Variants in CALCRL observed in about 807,000 individuals in gnomAD.
CALCRL encodes calcitonin receptor like receptor, also known as calcitonin gene-related peptide type 1 receptor.
A neutral mutation model predicts 60.4 loss-of-function variants in CALCRL; 27 were observed. The ratio of observed to expected loss-of-function variants is 0.45; its 90% CI spans 0.33 to 0.62. The LOEUF (loss-of-function observed/expected upper bound fraction) is 0.62. CALCRL is among the 20% of genes least tolerant of loss of function. CALCRL has a pLI of 0.03. For missense variants in CALCRL, 424 were observed against 540.7 expected, an observed-to-expected ratio of 0.78 and a Z score of 2.14; for synonymous variants, 190 against 182.6, an observed-to-expected ratio of 1.04 and a Z score of -0.33.
chr2:187,388,687 T>C (rs1688304861), intron 1 of CALCRL, among the ~76,000 whole-genome samples: 1 of 152,168 alleles, frequency 6.6e-6, no homozygotes, highest in Non-Finnish European at 1.5e-5. Context: ...CTTTATAGAT[T>C]CTATATACAA....
intron 1 of CALCRL, among the ~76,000 whole-genome samples, chr2:187,417,452 A>C (rs1249807510): frequency 6.6e-6 from 1 of 152,114 alleles, no homozygotes; most frequent in Admixed American, 6.5e-5. Flanking sequence ...ATCCAAATCA[A>C]ATATAGATTT....
intron 7 of CALCRL, 117 bp downstream of exon 7, chr2:187,380,350 G>T: frequency 1.7e-6 from 1 of 583,592 alleles, no homozygotes; most frequent in Middle Eastern, 4.7e-4. Flanking sequence ...ATTATATTAT[G>T]AAAAGGCTTT....
chr2:187,383,110 A>C (rs1688047352), intron 5 of CALCRL, 63 bp downstream of exon 5: 1 of 1,511,596 alleles, frequency 6.6e-7, no homozygotes. Context: ...ATAATGATAT[A>C]ATGGGAGTAG....
At chr2:187,358,695 G>A (rs1686912250) in intron 12 of CALCRL, among the ~76,000 whole-genome samples, 1 of 152,016 alleles carries the variant, frequency 6.6e-6, no homozygotes, top group South Asian at 2.1e-4. Context: ...TGTTTCTGCT[G>A]CTTCTATTCT....
chr2:187,369,001 G>A (rs1225244317), intron 8 of CALCRL, among the ~76,000 whole-genome samples: 2 of 152,112 alleles, frequency 1.3e-5, no homozygotes, highest in African/African-American at 4.8e-5. Flanking sequence ...TCTTTTGGAG[G>A]CTGCTGGTGA....
At position 187,444,341 on chromosome 2, in the gene CALCRL, T is replaced by A. The variant is rs541821159; in HGVS notation, c.-293+3698A>T. On this transcript the variant is annotated intron_variant, in intron 1 of 14. Transcript: ENST00000392370. ...ATATAAAACTATAGCCCCAATACCA[T>A]AGGGGTTATTTATGTATTCATTTTG... Among the ~76,000 whole-genome samples the A allele has an allele frequency of 2.6e-5, 4 of 151,642 alleles. No individual in the cohort carries two copies. The East Asian group carries it at 7.7e-4, about 29-fold the overall frequency.
At chr2:187,411,270 T>C (rs1473096439) in intron 1 of CALCRL, among the ~76,000 whole-genome samples, 1 of 152,172 alleles carries the variant, frequency 6.6e-6, no homozygotes, top group Non-Finnish European at 1.5e-5. Context: ...GTAATATCTC[T>C]ATATAACTAT....
intron 14 of CALCRL, among the ~76,000 whole-genome samples, chr2:187,347,532 A>G (rs1190682412): frequency 6.6e-6 from 1 of 151,856 alleles, no homozygotes; most frequent in African/African-American, 2.4e-5. Flanking sequence ...GAATTCCTCA[A>G]CTTTCTCTTC....
intron 1 of CALCRL, among the ~76,000 whole-genome samples, chr2:187,400,744 C>A (rs1688853296): frequency 6.6e-6 from 1 of 151,094 alleles, no homozygotes; most frequent in African/African-American, 2.4e-5. Context: ...CATGAATAAA[C>A]CTTGTAAACA....
chr2:187,348,487 T>C (rs7606419), intron 14 of CALCRL, among the ~76,000 whole-genome samples: 83 of 151,702 alleles, frequency 5.5e-4, no homozygotes, highest in African/African-American at 1.9e-3. Context: ...GAGGAAGTAA[T>C]ATCTTAGCTG....
chr2:187,428,767 C>G (rs996115793), intron 1 of CALCRL: 3 of 152,082 alleles, frequency 2.0e-5, no homozygotes, highest in Non-Finnish European at 2.9e-5. Context: ...GTGGTGGGTG[C>G]CTGTAGTCCC....
intron 1 of CALCRL, among the ~76,000 whole-genome samples, chr2:187,436,354 C>T (rs1690643983): frequency 6.6e-6 from 1 of 152,166 alleles, no homozygotes; most frequent in Non-Finnish European, 1.5e-5. Flanking sequence ...CTTTACCAAA[C>T]AGCACTGCTG....
intron 14 of CALCRL, among the ~76,000 whole-genome samples, chr2:187,347,480 A>G (rs10931286): frequency 0.096 from 14,616 of 151,818 alleles, 1,728 homozygotes; most frequent in African/African-American, 0.28. Context: ...TTCATTTTCT[A>G]CGTACTGAGG....
intron 12 of CALCRL, among the ~76,000 whole-genome samples, chr2:187,354,258 G>A (rs1300271652): frequency 6.6e-6 from 1 of 151,928 alleles, no homozygotes; most frequent in African/African-American, 2.4e-5. Context: ...TACCACGCTT[G>A]GGTCATGACA....
chr2:187,400,584 TTC>T, intron 1 of CALCRL, among the ~76,000 whole-genome samples: 1 of 151,450 alleles, frequency 6.6e-6, no homozygotes, highest in East Asian at 1.9e-4. Context: ...CACACGAATA[TTC>T]TTAGCATCAT....
intron 1 of CALCRL, among the ~76,000 whole-genome samples, chr2:187,391,232 T>C (rs1688432117): frequency 6.6e-6 from 1 of 152,204 alleles, no homozygotes; most frequent in Admixed American, 6.6e-5. Flanking sequence ...AGTACTTCTC[T>C]CTATATATTT....
intron 1 of CALCRL, among the ~76,000 whole-genome samples, chr2:187,443,029 T>G (rs974795337): frequency 6.6e-6 from 1 of 151,920 alleles, no homozygotes; most frequent in Non-Finnish European, 1.5e-5. Flanking sequence ...CGCAATAATT[T>G]TTGTTTAATA....
intron 5 of CALCRL, among the ~76,000 whole-genome samples, 173 bp from the exon 6 acceptor site, chr2:187,380,960 T>C (rs1296745381): frequency 2.6e-5 from 4 of 151,904 alleles, no homozygotes; most frequent in African/African-American, 4.8e-5. Flanking sequence ...AGTAATATTA[T>C]AATAATTTCT....
intron 8 of CALCRL, among the ~76,000 whole-genome samples, chr2:187,377,705 T>A (rs756655959): frequency 2.0e-5 from 3 of 152,106 alleles, no homozygotes; most frequent in Non-Finnish European, 4.4e-5. Context: ...ATGAAAGCAA[T>A]GTTAATGGTC....
Sources: gnomAD v4.1 joint callset for allele counts (sites outside exome capture counted in the v4.1 genomes callset) on GRCh38, gnomAD v4.1.1 for gene constraint, MANE v1.5 for transcripts, NCBI Gene and HGNC (gene_info 2026-07-23, HGNC 2026-07-21) for gene names.